The following PCDHGB1 variants were observed in gnomAD, a reference collection of about 807,000 sequenced individuals.
The protein encoded by PCDHGB1 is protocadherin gamma subfamily B, 1.
Under a neutral mutation model 56.6 loss-of-function variants are expected in PCDHGB1, and 34 were observed. The observed-to-expected ratio is 0.60, with a 90% CI of 0.46 to 0.80. The LOEUF is 0.80. Among genes scored for constraint, PCDHGB1 ranks in the 30% least tolerant of loss-of-function variants. The pLI is 0.00. For missense variants in PCDHGB1, 1,278 were observed against 1,204.6 expected, an observed-to-expected ratio of 1.06 and a Z score of -0.90; for synonymous variants, 561 against 505.9, an observed-to-expected ratio of 1.11 and a Z score of -1.46.
intron 1 of PCDHGB1, chr5:141,375,548 T>C (rs748936121): frequency 1.1e-5 from 17 of 1,613,892 alleles, no homozygotes; most frequent in Non-Finnish European, 9.3e-6. Flanking sequence ...CCAAGTCTCC[T>C]ACTCACTGGC....
At chr5:141,422,464 A>G (rs1303001624) in intron 1 of PCDHGB1, 1 of 1,613,502 alleles carries the variant, frequency 6.2e-7, no homozygotes, top group Admixed American at 1.7e-5. Context: ...AGTGCTGGAC[A>G]GGGAGTTGGT....
intron 1 of PCDHGB1, chr5:141,413,247 CGGGATTCCAT>C: frequency 6.2e-7 from 1 of 1,613,940 alleles, no homozygotes; most frequent in South Asian, 1.1e-5. Flanking sequence ...GCCTTTTCTT[CGGGATTCCAT>C]GGGAGGCTGG....
chr5:141,350,174 T>A lies in PCDHGB1; in HGVS notation c.-87T>A. The A allele has an allele frequency of 7.8e-7, 1 of 1,283,836 alleles. No individual in the cohort carries two copies. The highest frequency in any genetic ancestry group is 2.6e-5 in the East Asian group (1 of 38,764). The allele number at this position is 1,283,836 out of a possible 1,614,324, so 79.5% of individuals were successfully genotyped here. On this transcript the variant is annotated 5_prime_UTR_variant, in exon 1 of 4. Transcript: ENST00000523390. ...CCTCGAGCGCCTAACTAATAAGTCCTAAGCTCAAATCACAGAAGTCCAGGG... is the reference window on the plus strand; with the variant it reads ...CCTCGAGCGCCTAACTAATAAGTCCAAAGCTCAAATCACAGAAGTCCAGGG...
intron 1 of PCDHGB1, chr5:141,379,119 T>G (rs1179184154): frequency 6.6e-6 from 1 of 152,346 alleles, no homozygotes; most frequent in Admixed American, 6.5e-5. Flanking sequence ...AGAAGATACC[T>G]TGAAAATAAA....
At chr5:141,388,195 T>C in intron 1 of PCDHGB1, 1 of 1,563,830 alleles carries the variant, frequency 6.4e-7, no homozygotes, top group Non-Finnish European at 8.8e-7. Flanking sequence ...GCTTGTGCTC[T>C]GGAATTTGAG....
Position 141,351,522 on chromosome 5 carries a change from C to T in PCDHGB1, c.1262C>T (p.Thr421Ile), listed in dbSNP as rs773991273. Residue 421 changes from threonine (T) to isoleucine (I), a missense_variant, in exon 1 of 4, where the codon ACC (threonine) becomes ATC (isoleucine). Transcript: ENST00000523390. ...GACTACAACGTCACAATCATAGCCA[C>T]CGACAAGGGCAAACCAGCCCTTTCC... is the stretch of plus-strand genomic sequence containing the variant. ...TADYNVTIIA[T>I]DKGKPALSSR... 7 of 1,614,018 alleles carry T rather than the reference C, an allele frequency of 4.3e-6. No homozygotes were observed. Among genetic ancestry groups the T allele is most frequent in the Non-Finnish European group, 5.9e-6 (7 of 1,179,894 alleles).
At chr5:141,498,830 G>T (rs2099786149) in intron 2 of PCDHGB1, among the ~76,000 whole-genome samples, 1 of 152,080 alleles carries the variant, frequency 6.6e-6, no homozygotes, top group Non-Finnish European at 1.5e-5. Context: ...CTACTCAGGA[G>T]GCTGAGGCAG....
At chr5:141,376,909 G>T (rs1253318299) in intron 1 of PCDHGB1, 1 of 186,916 alleles carries the variant, frequency 5.3e-6, no homozygotes, top group Non-Finnish European at 1.1e-5. Context: ...GGATGGTCTC[G>T]ATCTCCTGAC....
At chr5:141,429,387 T>A (rs372199649) in intron 1 of PCDHGB1, among the ~76,000 whole-genome samples, 4,783 of 151,430 alleles carry the variant, frequency 0.032, 106 homozygotes, top group African/African-American at 0.043. Context: ...GTTTTTTTTT[T>A]AAAAAAAATT....
chr5:141,394,229 T>C, intron 1 of PCDHGB1: 1 of 1,613,872 alleles, frequency 6.2e-7, no homozygotes, highest in Non-Finnish European at 8.5e-7. Flanking sequence ...CCTCCATCTT[T>C]TCCTTGACTG....
At chr5:141,360,456 T>A (rs1588550793) in intron 1 of PCDHGB1, 1 of 1,613,990 alleles carries the variant, frequency 6.2e-7, no homozygotes, top group Non-Finnish European at 8.5e-7. Flanking sequence ...TGGATTTCGA[T>A]ACTGTCGCTG....
intron 2 of PCDHGB1, among the ~76,000 whole-genome samples, chr5:141,497,478 C>T (rs974494984): frequency 6.0e-5 from 9 of 150,954 alleles, no homozygotes; most frequent in South Asian, 4.2e-4. Context: ...GGAGAAGGTG[C>T]GGAACCTCTC....
At chr5:141,360,838 G>A (rs776801696) in intron 1 of PCDHGB1, 2 of 1,614,002 alleles carry the variant, frequency 1.2e-6, no homozygotes, top group Admixed American at 1.7e-5. Flanking sequence ...AGTCACGGAT[G>A]CCAACGATAA....
At position 141,457,403 on chromosome 5, in the gene PCDHGB1, C is replaced by A. The variant is rs550748216; in HGVS notation, c.2410-37404C>A. On this transcript the variant is annotated intron_variant, in intron 1 of 3. Transcript: ENST00000523390. ...GAACTAGCATATTGATTCACATTTT[C>A]ACATTACCCATCCCTTTTTCCCCCC... Among the ~76,000 whole-genome samples, 4 of 152,328 alleles carry A rather than the reference C, an allele frequency of 2.6e-5. No homozygotes were observed. In the East Asian group the frequency reaches 7.7e-4, roughly 29 times the overall value.
At chr5:141,413,979 C>T in intron 1 of PCDHGB1, 1 of 1,613,394 alleles carries the variant, frequency 6.2e-7, no homozygotes, top group Non-Finnish European at 8.5e-7. Flanking sequence ...TGCTGACAGT[C>T]ACAGCCACCG....
chr5:141,375,346 T>C, intron 1 of PCDHGB1: 1 of 1,613,870 alleles, frequency 6.2e-7, no homozygotes. Flanking sequence ...ACAACATCAC[T>C]GTGACAGCCA....
At chr5:141,418,478 G>T (rs777772131) in intron 1 of PCDHGB1, 1 of 1,613,858 alleles carries the variant, frequency 6.2e-7, no homozygotes, top group Non-Finnish European at 8.5e-7. Flanking sequence ...AACGCAGAGC[G>T]CTCACCACTT....
intron 1 of PCDHGB1, chr5:141,404,094 A>C: frequency 6.2e-7 from 1 of 1,613,620 alleles, no homozygotes; most frequent in South Asian, 1.1e-5. Context: ...AAGAATGGTC[A>C]AGTTGTCTGT....
chr5:141,428,297 T>G (rs2097131311), intron 1 of PCDHGB1: 5 of 712,160 alleles, frequency 7.0e-6, no homozygotes, highest in Non-Finnish European at 1.2e-5. Flanking sequence ...AAGCTGCAGA[T>G]TTACCTGGTC....
Sources: gnomAD v4.1 joint callset for allele counts (sites outside exome capture counted in the v4.1 genomes callset) on GRCh38, gnomAD v4.1.1 for gene constraint, MANE v1.5 for transcripts, NCBI Gene and HGNC (gene_info 2026-07-23, HGNC 2026-07-21) for gene names.